Variants in GJB7 observed in about 807,000 individuals in gnomAD.
GJB7 encodes the protein gap junction protein beta 7.
For synonymous variants in GJB7, 87 were observed against 95.2 expected, an observed-to-expected ratio of 0.91 and a Z score of 0.50; for missense variants, 253 against 256.8, an observed-to-expected ratio of 0.99 and a Z score of 0.10.
At chr6:87,323,397 T>C (rs1776721702) in intron 1 of GJB7, among the ~76,000 whole-genome samples, 1 of 151,526 alleles carries the variant, frequency 6.6e-6, no homozygotes. Flanking sequence ...TAACATTAGG[T>C]ATATCTCCCA....
In GJB7 at chr6:87,317,602, T is replaced by C. The variant is rs150290324; in HGVS notation, c.-28+5264A>G. On this transcript the variant is annotated intron_variant, in intron 2 of 2. Coordinates refer to ENST00000525899, the MANE Select transcript of GJB7 (RefSeq NM_198568.3). ...GCGCCACCATGCCCAGTTAATTTTTTGTATTTTTAGTAGAAATGGGGTTTC... is the reference window on the plus strand; with the variant it reads ...GCGCCACCATGCCCAGTTAATTTTTCGTATTTTTAGTAGAAATGGGGTTTC... Among the ~76,000 whole-genome samples the C allele has an allele frequency of 2.5e-3, 380 of 152,162 alleles. 4 individuals carry two copies. The highest frequency in any genetic ancestry group is 8.8e-3 in the African/African-American group (364 of 41,522).
chr6:87,307,012 T>C (rs1165024469), intron 2 of GJB7, among the ~76,000 whole-genome samples: 3 of 151,882 alleles, frequency 2.0e-5, no homozygotes, highest in Non-Finnish European at 4.4e-5. Context: ...CATCACACTC[T>C]GGGGTCTGTT....
chr6:87,300,975 T>C (rs1273762893), intron 2 of GJB7, among the ~76,000 whole-genome samples: 1 of 152,162 alleles, frequency 6.6e-6, no homozygotes, highest in Non-Finnish European at 1.5e-5. Flanking sequence ...TATTAATGTA[T>C]TCAAGAAAAT....
intron 2 of GJB7, 157 bp downstream of exon 2, chr6:87,322,709 C>G (rs1776698306): frequency 6.6e-6 from 1 of 152,214 alleles, no homozygotes; most frequent in Admixed American, 6.5e-5. Context: ...CATCACGCTC[C>G]CGTCTCTGCC....
intron 2 of GJB7, among the ~76,000 whole-genome samples, chr6:87,319,031 T>A (rs1776621765): frequency 6.6e-6 from 1 of 152,230 alleles, no homozygotes; most frequent in Non-Finnish European, 1.5e-5. Context: ...ACCAGTGTTG[T>A]TCCCAGAGCA....
At chr6:87,325,472 AT>A (rs1463729785) in intron 1 of GJB7, among the ~76,000 whole-genome samples, 5 of 114,302 alleles carry the variant, frequency 4.4e-5, no homozygotes, top group Non-Finnish European at 9.3e-5. Flanking sequence ...AGTTTTTAGC[AT>A]GAAGGGTTAT....
intron 2 of GJB7, among the ~76,000 whole-genome samples, chr6:87,321,571 G>T (rs914517940): frequency 6.6e-6 from 1 of 152,072 alleles, no homozygotes; most frequent in African/African-American, 2.4e-5. Flanking sequence ...ATTTTTCAGG[G>T]TTTTTTTGAG....
At chr6:87,288,923 A>G (rs9450651) in intron 2 of GJB7, among the ~76,000 whole-genome samples, 59,712 of 151,908 alleles carry the variant, frequency 0.39, 12,052 homozygotes, top group Admixed American at 0.52. Flanking sequence ...TCTCCAACCC[A>G]TTATCCATTC....
chr6:87,307,134 C>G (rs1358304324), intron 2 of GJB7, among the ~76,000 whole-genome samples: 1 of 151,166 alleles, frequency 6.6e-6, no homozygotes, highest in Non-Finnish European at 1.5e-5. Context: ...TGTAACTAAC[C>G]TGCACATTGT....
At chr6:87,327,837 T>C (rs1293054035) in intron 1 of GJB7, among the ~76,000 whole-genome samples, 8 of 149,498 alleles carry the variant, frequency 5.4e-5, no homozygotes, top group Admixed American at 1.3e-4. Flanking sequence ...CTGGATAATA[T>C]CCTGCAGAGT....
At chr6:87,302,729 G>C (rs2127903567) in intron 2 of GJB7, among the ~76,000 whole-genome samples, 1 of 152,278 alleles carries the variant, frequency 6.6e-6, no homozygotes, top group Admixed American at 6.5e-5. Context: ...ATAATTGTCA[G>C]ATTCACCAAA....
intron 2 of GJB7, among the ~76,000 whole-genome samples, chr6:87,320,872 T>C (rs1243680006): frequency 6.6e-6 from 1 of 152,104 alleles, no homozygotes; most frequent in Non-Finnish European, 1.5e-5. Flanking sequence ...CTTCAAAGAA[T>C]AGATGTGAAT....
chr6:87,311,477 C>T (rs1229220026), intron 2 of GJB7, among the ~76,000 whole-genome samples: 1 of 152,150 alleles, frequency 6.6e-6, no homozygotes, highest in Non-Finnish European at 1.5e-5. Flanking sequence ...GCAAAGCTTA[C>T]ACAGTCTTAG....
At position 87,291,806 on chromosome 6, in the gene GJB7, A is replaced by G. The variant is rs113157503; in HGVS notation, c.-27-6867T>C. 4.7e-3 allele frequency: 722 copies of G among 152,210 alleles called. 8 individuals are homozygous for G. Among genetic ancestry groups the G allele is most frequent in the African/African-American group, 0.016 (680 of 41,544 alleles). The allele number at this position is 152,210 out of a possible 1,614,324, so 9.4% of individuals were successfully genotyped here. On this transcript the variant is annotated intron_variant, in intron 2 of 2. Transcript: ENST00000525899. ...TGACTACCCACTTACAAGAAATGCA[A>G]TTTTCCCATTAAATAGACAAAACTA...
At chr6:87,292,559 T>C (rs1352988656) in intron 2 of GJB7, among the ~76,000 whole-genome samples, 2 of 152,152 alleles carry the variant, frequency 1.3e-5, no homozygotes, top group Non-Finnish European at 2.9e-5. Context: ...ATTTTCTATG[T>C]ATATAAAAAA....
At chr6:87,312,418 A>AG (rs1776522557) in intron 2 of GJB7, among the ~76,000 whole-genome samples, 1 of 151,870 alleles carries the variant, frequency 6.6e-6, no homozygotes, top group Non-Finnish European at 1.5e-5. Context: ...AGGCTGAGGC[A>AG]AAGAATTGCT....
chr6:87,293,536 A>T (rs1177517479), intron 2 of GJB7, among the ~76,000 whole-genome samples: 1 of 151,908 alleles, frequency 6.6e-6, no homozygotes. Context: ...TTCCATCGTG[A>T]TAAGATCCCA....
rs956666054 is a variant in GJB7, at chr6:87,283,190, T to A, written c.*1051A>T. The A allele has an allele frequency of 2.0e-5, 3 of 152,262 alleles. No homozygotes were observed. Among genetic ancestry groups the A allele is most frequent in the Admixed American group, 2.0e-4 (3 of 15,292 alleles). 9.4% of individuals were successfully genotyped at this position (152,262 alleles called of 1,614,324 possible). A position where few individuals can be genotyped will look rare whatever the true frequency, so the allele number is the denominator to read the frequency against. ...CTATCTGTCCTAGAGGGAGATATAC[T>A]AGTAAATTATAGGCGAACTATGACT... is the stretch of plus-strand genomic sequence containing the variant. On this transcript the variant is annotated 3_prime_UTR_variant, in exon 3 of 3. Coordinates refer to ENST00000525899, the MANE Select transcript of GJB7 (RefSeq NM_198568.3).
chr6:87,305,091 A>G (rs971276812), intron 2 of GJB7, among the ~76,000 whole-genome samples: 15 of 152,228 alleles, frequency 9.9e-5, no homozygotes, highest in East Asian at 1.9e-4. Context: ...CAAAAACTGG[A>G]AGCATTCCCT....
Sources: allele counts gnomAD v4.1 joint callset (sites outside exome capture counted in the v4.1 genomes callset), GRCh38; gene constraint gnomAD v4.1.1; transcripts MANE v1.5; gene names NCBI Gene and HGNC (gene_info 2026-07-23, HGNC 2026-07-21).